ANK2: variants seen among roughly 807,000 people sequenced by gnomAD.
ANK2 encodes the protein ankyrin 2.
A neutral mutation model predicts 360.5 loss-of-function variants in ANK2; 83 were observed. That is an observed-to-expected ratio of 0.23 (90% CI 0.19 to 0.28). ANK2 has a LOEUF of 0.28. Among genes scored for constraint, ANK2 ranks in the 10% least tolerant of loss-of-function variants. ANK2 has a pLI of 1.00. For synonymous variants in ANK2, 1,740 were observed against 1,759.5 expected (o/e 0.99, Z 0.28); for missense variants, 4,201 against 4,795.7 (o/e 0.88, Z 3.66).
chr4:113,214,470 G>T, intron 4 of ANK2: 1 of 671,528 alleles, frequency 1.5e-6, no homozygotes, highest in South Asian at 1.7e-5. Context: ...TAAACAATCT[G>T]GAAAAATCTA....
At chr4:112,970,578 G>A (rs1320095691) in intron 2 of ANK2, among the ~76,000 whole-genome samples, 2 of 152,034 alleles carry the variant, frequency 1.3e-5, no homozygotes, top group African/African-American at 2.4e-5. Context: ...CTTGTCTCGA[G>A]CTCCTGACCT....
the ANK2 span, among the ~76,000 whole-genome samples, chr4:112,710,764 A>C: frequency 6.6e-6 from 1 of 151,802 alleles, no homozygotes; most frequent in South Asian, 2.1e-4. Context: ...TTTTTCCAGC[A>C]TCATGGTTGC....
chr4:112,809,991 T>C, the ANK2 span, among the ~76,000 whole-genome samples: 1 of 151,782 alleles, frequency 6.6e-6, no homozygotes, highest in Non-Finnish European at 1.5e-5. Flanking sequence ...GTATATTTCT[T>C]ATCTAGGTTT....
the ANK2 span, among the ~76,000 whole-genome samples, chr4:112,719,481 C>A: frequency 6.6e-6 from 1 of 152,096 alleles, no homozygotes; most frequent in African/African-American, 2.4e-5. Flanking sequence ...GTAATCCCAG[C>A]ACTTTGGGAG....
chr4:113,210,573 C>T (rs1463733723), intron 4 of ANK2, among the ~76,000 whole-genome samples: 1 of 152,284 alleles, frequency 6.6e-6, no homozygotes, highest in Admixed American at 6.5e-5. Flanking sequence ...GTACTGCTTC[C>T]ATCACTCACT....
At chr4:112,993,053 C>T (rs531522788) in intron 2 of ANK2, among the ~76,000 whole-genome samples, 100 of 151,920 alleles carry the variant, frequency 6.6e-4, no homozygotes, top group Non-Finnish European at 1.2e-3. Flanking sequence ...GAGATTGAGG[C>T]GGGAGGACTG....
At position 113,178,571 on chromosome 4, in the gene ANK2, C is replaced by CAA. The variant is rs537519981; in HGVS notation, c.186+4071_186+4072dup. On this transcript the variant is annotated intron_variant, in intron 2 of 45. Coordinates refer to ENST00000357077, the MANE Select transcript of ANK2 (RefSeq NM_001148.6). ...TGCGCGATAGAGTGAGACTCCATCT[C>CAA]AAAAAAAAAAAAAAAAAATTCCCCA... 8.6e-3 allele frequency among the ~76,000 whole-genome samples: 848 copies of CAA among 98,120 alleles called. 8 individuals are homozygous for CAA. Among genetic ancestry groups the CAA allele is most frequent in the African/African-American group, 0.023 (606 of 26,434 alleles). 64.4% of individuals were successfully genotyped at this position (98,120 alleles called of 152,430 possible).
chr4:112,902,454 A>C (rs2083753084), intron 1 of ANK2, among the ~76,000 whole-genome samples: 1 of 152,224 alleles, frequency 6.6e-6, no homozygotes. Context: ...GTCCACAATT[A>C]ATATTCTGTG....
intron 21 of ANK2, among the ~76,000 whole-genome samples, chr4:113,292,825 CT>C (rs1234976687): frequency 1.3e-5 from 2 of 152,114 alleles, no homozygotes; most frequent in Admixed American, 1.3e-4. Flanking sequence ...TTGACCCCCC[CT>C]CGCCTTCTTA....
At chr4:112,868,465 C>A (rs2150215840) in intron 1 of ANK2, among the ~76,000 whole-genome samples, 1 of 152,312 alleles carries the variant, frequency 6.6e-6, no homozygotes, top group South Asian at 2.1e-4. Flanking sequence ...CCCACTCTCA[C>A]AATAATGAAT....
chr4:113,118,982 T>G (rs2095122245), intron 1 of ANK2, among the ~76,000 whole-genome samples: 1 of 152,182 alleles, frequency 6.6e-6, no homozygotes, highest in Non-Finnish European at 1.5e-5. Context: ...TCTAGTTGAA[T>G]GTTTTTCCCT....
At chr4:112,919,955 A>G (rs974214558) in intron 2 of ANK2, among the ~76,000 whole-genome samples, 5 of 152,078 alleles carry the variant, frequency 3.3e-5, no homozygotes, top group Non-Finnish European at 7.4e-5. Context: ...TTATATTTAG[A>G]GTTGAATAAT....
At chr4:113,342,716 T>TA (rs1268445893) in intron 33 of ANK2, among the ~76,000 whole-genome samples, 1 of 151,684 alleles carries the variant, frequency 6.6e-6, no homozygotes. Flanking sequence ...AAAAAAAAAT[T>TA]ACCCAAGCAT....
rs745488125 is a variant in ANK2 at position 113,354,619 on chromosome 4, C to G, written c.6001C>G (p.Gln2001Glu). ...GCTGATGAAGGCTTTCCAGTCAGGTCAGGACCCTTCTAAACATAAAACTGG... is the reference window on the plus strand; with the variant it reads ...GCTGATGAAGGCTTTCCAGTCAGGTGAGGACCCTTCTAAACATAAAACTGG... ...RELMKAFQSG[Q>E]DPSKHKTGLF... The change falls in exon 38 of 46, where the codon CAG becomes GAG. Residue 2001 changes from glutamine to glutamate, a missense_variant. Physicochemically the swap from Gln to Glu is conservative, Grantham distance 29. This residue lies in a region of ANK2 where 2,642 missense variants were observed against 2,714.5 expected (regional missense o/e 0.97). Transcript: ENST00000357077. The G allele has an allele frequency of 1.9e-6, 3 of 1,614,098 alleles. No individual in the cohort carries two copies. The highest frequency in any genetic ancestry group is 2.2e-5 in the South Asian group (2 of 91,068).
intron 2 of ANK2, among the ~76,000 whole-genome samples, chr4:112,904,750 C>G (rs2084637284): frequency 6.6e-6 from 1 of 152,070 alleles, no homozygotes; most frequent in African/African-American, 2.4e-5. Context: ...AATAGATTGT[C>G]TCTTCCTCAA....
At chr4:113,375,005 A>C (rs1589372224) in intron 45 of ANK2, 1 of 961,856 alleles carries the variant, frequency 1.0e-6, no homozygotes, top group Non-Finnish European at 1.3e-6. Flanking sequence ...TTTGCATTTG[A>C]AAAGAAAATC....
intron 1 of ANK2, among the ~76,000 whole-genome samples, chr4:113,153,343 G>A (rs1006402277): frequency 2.6e-5 from 4 of 152,056 alleles, no homozygotes; most frequent in Non-Finnish European, 4.4e-5. Flanking sequence ...GCTTTCTGAA[G>A]GATATTAGAA....
chr4:113,337,045 G>T lies in ANK2; in HGVS notation c.3796+264G>T, dbSNP rs73841967. On this transcript the variant is annotated intron_variant, in intron 31 of 45. Coordinates refer to ENST00000357077, the MANE Select transcript of ANK2 (RefSeq NM_001148.6). Reference sequence around the variant, plus strand: ...AACCCTGTGAGGAAACTTTAACCCCGTGTTGCTGAGAAGGAAACCATGGTT... The same window carrying T: ...AACCCTGTGAGGAAACTTTAACCCCTTGTTGCTGAGAAGGAAACCATGGTT... 0.024 allele frequency among the ~76,000 whole-genome samples: 3,705 copies of T among 152,172 alleles called. 155 individuals are homozygous for T. The highest frequency in any genetic ancestry group is 0.083 in the African/African-American group (3,441 of 41,486).
Position 113,240,482 on chromosome 4 carries a change from T to C in ANK2, c.694-3T>C. On this transcript the variant is annotated splice_polypyrimidine_tract_variant and splice_region_variant and intron_variant, in intron 7 of 45. Coordinates refer to ENST00000357077, the MANE Select transcript of ANK2 (RefSeq NM_001148.6). ...ACTGACTGTCATATCTTTGCTTTCA[T>C]AGAGTGGTTTTACCCCTTTGCACAT... 2 of 1,611,062 alleles carry C rather than the reference T, an allele frequency of 1.2e-6. No individual in the cohort carries two copies. Among genetic ancestry groups the C allele is most frequent in the South Asian group, 2.2e-5 (2 of 91,018 alleles).
Sources: allele counts gnomAD v4.1 joint callset (sites outside exome capture counted in the v4.1 genomes callset), GRCh38; gene constraint gnomAD v4.1.1; regional missense constraint gnomAD v4.1.1; transcripts MANE v1.5; gene names NCBI Gene and HGNC (gene_info 2026-07-23, HGNC 2026-07-21).